TRPM2: variants seen among roughly 807,000 people sequenced by gnomAD.
The protein encoded by TRPM2 is estrogen-responsive element-associated gene 1 protein.
Under a neutral mutation model 174.0 loss-of-function variants are expected in TRPM2, and 161 were observed. That is an observed-to-expected ratio of 0.93 (90% CI 0.81 to 1.05). The LOEUF (loss-of-function observed/expected upper bound fraction) is 1.05. Among genes scored for constraint, TRPM2 ranks in the 50% least tolerant of loss-of-function variants. The pLI is 0.00. For missense variants in TRPM2, 2,057 were observed against 2,038.0 expected, an observed-to-expected ratio of 1.01 and a Z score of -0.18; for synonymous variants, 954 against 861.3, an observed-to-expected ratio of 1.11 and a Z score of -1.88.
rs2049183906 is a variant in TRPM2 at position 44,391,713 on chromosome 21, T to G, written c.1794+88T>G. The G allele has an allele frequency of 8.1e-7, 1 of 1,239,938 alleles. No individual in the cohort carries two copies. Among genetic ancestry groups the G allele is most frequent in the Non-Finnish European group, 1.1e-6 (1 of 920,104 alleles). 76.8% of individuals were successfully genotyped at this position (1,239,938 alleles called of 1,614,324 possible). A position where few individuals can be genotyped will look rare whatever the true frequency, so the allele number is the denominator to read the frequency against. ...AGCTCTCTGTTTTTAAAATTAGCTT[T>G]TATTTTTATTAGAAAAGACACATGC... is the stretch of plus-strand genomic sequence containing the variant. On this transcript the variant is annotated intron_variant, in intron 11 of 31. Coordinates refer to ENST00000397928, the MANE Select transcript of TRPM2 (RefSeq NM_003307.4). The surrounding 1 kb of genome is among the most constrained non-coding windows in gnomAD (Gnocchi z 5.0).
intron 28 of TRPM2, among the ~76,000 whole-genome samples, chr21:44,435,878 G>T (rs2051239102): frequency 7.1e-6 from 1 of 141,560 alleles, no homozygotes; most frequent in Admixed American, 7.0e-5. Flanking sequence ...TATCCACGGG[G>T]ACACAGCCCC....
chr21:44,431,295 T>C (rs1368254265), intron 27 of TRPM2, among the ~76,000 whole-genome samples: 1 of 150,824 alleles, frequency 6.6e-6, no homozygotes, highest in African/African-American at 2.5e-5. Flanking sequence ...CACTTTTGTT[T>C]TGCTCTTTTT....
At chr21:44,422,339 G>A (rs758750941) in intron 22 of TRPM2, 14 of 1,536,178 alleles carry the variant, frequency 9.1e-6, no homozygotes, top group South Asian at 3.6e-5. Context: ...TGCATCTCAC[G>A]GTGGTGGAAT....
At chr21:44,386,236 T>G (rs1217634611) in intron 9 of TRPM2, among the ~76,000 whole-genome samples, 1 of 152,024 alleles carries the variant, frequency 6.6e-6, no homozygotes, top group Non-Finnish European at 1.5e-5. Flanking sequence ...ATACAAAAAA[T>G]TAGCTGGGCG....
intron 19 of TRPM2, 136 bp downstream of exon 19, chr21:44,406,901 C>A: frequency 2.5e-6 from 3 of 1,182,894 alleles, no homozygotes; most frequent in African/African-American, 1.6e-5. Context: ...GGTGTCCTCC[C>A]TGGGGGCATT....
rs140049000 is a variant in TRPM2, at chr21:44,382,091, T to C, written c.1216-627T>C. 2.0e-3 allele frequency among the ~76,000 whole-genome samples: 311 copies of C among 151,788 alleles called. 1 individual carries two copies. Among genetic ancestry groups the C allele is most frequent in the African/African-American group, 7.3e-3 (302 of 41,378 alleles). Reference sequence around the variant, plus strand: ...GTGTGTGTATGGATGGATGGAAAGATGGATGGATGGATGGATAGCTAGACA... The same window carrying C: ...GTGTGTGTATGGATGGATGGAAAGACGGATGGATGGATGGATAGCTAGACA... On this transcript the variant is annotated intron_variant, in intron 8 of 31. Transcript: ENST00000397928.
intron 15 of TRPM2, among the ~76,000 whole-genome samples, chr21:44,400,622 C>T (rs1176269097): frequency 6.6e-6 from 1 of 152,376 alleles, no homozygotes; most frequent in Middle Eastern, 3.4e-3. Flanking sequence ...TCAGCCACAT[C>T]AGCCTGGGGT....
chr21:44,416,845 T>C, intron 20 of TRPM2: 1 of 180,182 alleles, frequency 5.5e-6, no homozygotes. Context: ...CACGTGGGCA[T>C]GGCTCTGCTC....
In TRPM2 at chr21:44,354,645, C is replaced by T. The variant is rs367841933; in HGVS notation, c.166-3C>T. ...GATCTCAGTGTGCTGTCTTTACCTTCAGCAAGAAAGCCTCAGTTCGTGGAT... is the reference window on the plus strand; with the variant it reads ...GATCTCAGTGTGCTGTCTTTACCTTTAGCAAGAAAGCCTCAGTTCGTGGAT... On this transcript the variant is annotated splice_region_variant and splice_polypyrimidine_tract_variant and intron_variant, in intron 1 of 31. Coordinates refer to ENST00000397928, the MANE Select transcript of TRPM2 (RefSeq NM_003307.4). The surrounding 1 kb of genome is among the most constrained non-coding windows in gnomAD (Gnocchi z 4.3). The T allele has an allele frequency of 2.5e-6, 4 of 1,613,816 alleles. No individual in the cohort carries two copies. Among genetic ancestry groups the T allele is most frequent in the East Asian group, 2.2e-5 (1 of 44,880 alleles).
chr21:44,390,882 A>G (rs2049150824), intron 9 of TRPM2, 22 bp from the exon 10 acceptor site: 7 of 1,613,808 alleles, frequency 4.3e-6, no homozygotes, highest in African/African-American at 2.7e-5. Context: ...TCGAGGCCCA[A>G]TATGCACCTG....
intron 8 of TRPM2, among the ~76,000 whole-genome samples, chr21:44,381,042 G>T (rs751849899): frequency 6.6e-6 from 1 of 152,058 alleles, no homozygotes. Context: ...GGTGGAGTTC[G>T]CCAGGGAGCT....
chr21:44,431,057 T>G (rs1287760059), intron 27 of TRPM2, among the ~76,000 whole-genome samples: 1 of 151,834 alleles, frequency 6.6e-6, no homozygotes, highest in Non-Finnish European at 1.5e-5. Context: ...AATTTTTCGA[T>G]CTCATCCATT....
intron 4 of TRPM2, among the ~76,000 whole-genome samples, chr21:44,368,096 C>T (rs2048411522): frequency 1.3e-5 from 2 of 152,370 alleles, no homozygotes; most frequent in South Asian, 2.1e-4. Flanking sequence ...ATCTTTCTAT[C>T]TATCTATCTC....
intron 18 of TRPM2, among the ~76,000 whole-genome samples, chr21:44,406,311 A>T (rs2049874230): frequency 6.7e-6 from 1 of 148,792 alleles, no homozygotes. Context: ...GGTCACGGTT[A>T]TGTCTGACCG....
intron 29 of TRPM2, among the ~76,000 whole-genome samples, 189 bp downstream of exon 29, chr21:44,437,356 G>C (rs761886140): frequency 6.6e-6 from 1 of 152,190 alleles, no homozygotes; most frequent in Non-Finnish European, 1.5e-5. Flanking sequence ...TCATGTTGCA[G>C]TTAGGAAAAC....
chr21:44,382,951 AG>A, intron 9 of TRPM2, 131 bp downstream of exon 9: 2 of 965,064 alleles, frequency 2.1e-6, no homozygotes, highest in Non-Finnish European at 3.1e-6. Flanking sequence ...AACCCTGGCC[AG>A]AGGGCAGCTG....
Position 44,377,749 on chromosome 21 carries a change from G to A in TRPM2, c.990G>A (p.Leu330=). ...AIKIPIVCVV[L]EGGPGTLHTI... ...AGATCCCCATCGTGTGCGTGGTGCT[G>A]GAGGGCGGCCCGGGCACGTTGCACG... is the stretch of plus-strand genomic sequence containing the variant. The change falls in exon 7 of 32, where the codon CTG becomes CTA. Residue 330 remains leucine, a synonymous_variant. Coordinates refer to ENST00000397928, the MANE Select transcript of TRPM2 (RefSeq NM_003307.4). The A allele has an allele frequency of 6.2e-7, 1 of 1,614,208 alleles. No homozygotes were observed.
intron 11 of TRPM2, among the ~76,000 whole-genome samples, chr21:44,392,157 T>G (rs2146244811): frequency 6.6e-6 from 1 of 151,180 alleles, no homozygotes; most frequent in Non-Finnish European, 1.5e-5. Context: ...TAGAGATGGT[T>G]TTGCTATTTT....
Position 44,405,765 on chromosome 21 carries a change from A to T in TRPM2, c.2658-140A>T, listed in dbSNP as rs2049848081. 11 of 1,024,548 alleles carry T rather than the reference A, an allele frequency of 1.1e-5. No homozygotes were observed. In the East Asian group the frequency reaches 2.7e-4, roughly 25 times the overall value. 63.5% of individuals were successfully genotyped at this position (1,024,548 alleles called of 1,614,324 possible). A position where few individuals can be genotyped will look rare whatever the true frequency, so the allele number is the denominator to read the frequency against. On this transcript the variant is annotated intron_variant, in intron 17 of 31. Transcript: ENST00000397928. ...CCTCAATCTCATGCCAGCTTTGAAC[A>T]CCTGGGATGCAGGGCCCACCAGAGC...
Sources: allele counts gnomAD v4.1 joint callset (sites outside exome capture counted in the v4.1 genomes callset), GRCh38; gene constraint gnomAD v4.1.1; non-coding constraint Gnocchi (gnomAD v3.1); transcripts MANE v1.5; gene names NCBI Gene and HGNC (gene_info 2026-07-23, HGNC 2026-07-21).